The following RPS6KC1 variants were observed in gnomAD, a reference collection of about 807,000 sequenced individuals.
The protein encoded by RPS6KC1 is ribosomal protein S6 kinase C1.
A neutral mutation model predicts 103.8 loss-of-function variants in RPS6KC1; 54 were observed. That is an observed-to-expected ratio of 0.52 (90% CI 0.42 to 0.65). The LOEUF is 0.65. RPS6KC1 is among the 30% of genes least tolerant of loss of function. The pLI is 0.00. For synonymous variants in RPS6KC1, 439 were observed against 438.7 expected (o/e 1.00, Z -0.01); for missense variants, 1,151 against 1,253.8 (o/e 0.92, Z 1.24).
At chr1:213,402,599 T>C in the RPS6KC1 span, among the ~76,000 whole-genome samples, 1 of 152,120 alleles carries the variant, frequency 6.6e-6, no homozygotes, top group Non-Finnish European at 1.5e-5. Flanking sequence ...AAGCTCTAAG[T>C]TCCATGGAGT....
At chr1:213,753,763 T>C in the RPS6KC1 span, among the ~76,000 whole-genome samples, 3 of 152,184 alleles carry the variant, frequency 2.0e-5, no homozygotes, top group Admixed American at 6.5e-5. Context: ...CGACTTCAAC[T>C]CCCATCTTCT....
chr1:213,454,080 T>G, the RPS6KC1 span, among the ~76,000 whole-genome samples: 4 of 152,094 alleles, frequency 2.6e-5, no homozygotes, highest in Non-Finnish European at 5.9e-5. Flanking sequence ...TGGACAACAG[T>G]AGGCTATGAG....
At chr1:213,089,907 C>T (rs2080813058) in intron 3 of RPS6KC1, among the ~76,000 whole-genome samples, 2 of 152,202 alleles carry the variant, frequency 1.3e-5, no homozygotes, top group Admixed American at 1.3e-4. Context: ...AAGACTGAAA[C>T]AGTCTCTGGA....
At chr1:213,574,004 A>C in the RPS6KC1 span, among the ~76,000 whole-genome samples, 1 of 152,184 alleles carries the variant, frequency 6.6e-6, no homozygotes, top group Non-Finnish European at 1.5e-5. Context: ...GCAAGCCCTG[A>C]CCCTGTGGCC....
chr1:213,053,836 AT>A (rs756027243), intron 1 of RPS6KC1, among the ~76,000 whole-genome samples: 4,925 of 143,682 alleles, frequency 0.034, 212 homozygotes, highest in African/African-American at 0.11. Context: ...CAAATTCAGA[AT>A]TTTTTTTTTT....
At chr1:213,709,075 A>G in the RPS6KC1 span, among the ~76,000 whole-genome samples, 43 of 152,296 alleles carry the variant, frequency 2.8e-4, no homozygotes, top group African/African-American at 1.0e-3. Flanking sequence ...AAAATGAGTT[A>G]GGGAAGAGCC....
chr1:213,824,792 A>G, the RPS6KC1 span, among the ~76,000 whole-genome samples: 2 of 152,324 alleles, frequency 1.3e-5, no homozygotes, highest in African/African-American at 2.4e-5. Flanking sequence ...ACGGAACTAC[A>G]AGTCCATTAA....
chr1:213,697,126 CAGTT>C, the RPS6KC1 span, among the ~76,000 whole-genome samples: 1 of 152,196 alleles, frequency 6.6e-6, no homozygotes, highest in Non-Finnish European at 1.5e-5. Flanking sequence ...TGCAGATGAA[CAGTT>C]AGGTGAGAGA....
At chr1:213,634,588 A>C in the RPS6KC1 span, among the ~76,000 whole-genome samples, 1 of 152,246 alleles carries the variant, frequency 6.6e-6, no homozygotes, top group Non-Finnish European at 1.5e-5. Flanking sequence ...CAGTGTGTAG[A>C]GGGAAATTTA....
chr1:213,854,172 A>C, the RPS6KC1 span, among the ~76,000 whole-genome samples: 2 of 152,184 alleles, frequency 1.3e-5, no homozygotes, highest in South Asian at 4.1e-4. Flanking sequence ...CCACAAATAG[A>C]ATATGATAAT....
chr1:213,296,356 G>T, the RPS6KC1 span, among the ~76,000 whole-genome samples: 1 of 152,174 alleles, frequency 6.6e-6, no homozygotes, highest in Non-Finnish European at 1.5e-5. Flanking sequence ...TAATTAAGAG[G>T]AAGAACAAAG....
chr1:213,490,226 C>A, the RPS6KC1 span, among the ~76,000 whole-genome samples: 1 of 152,116 alleles, frequency 6.6e-6, no homozygotes, highest in Non-Finnish European at 1.5e-5. Flanking sequence ...CCATTAATGT[C>A]CTATTGAATG....
intron 7 of RPS6KC1, 137 bp from the exon 8 acceptor site, chr1:213,176,261 CAG>C: frequency 2.1e-6 from 1 of 466,568 alleles, no homozygotes. Flanking sequence ...TACAGACAAA[CAG>C]AAACTTCTTC....
the RPS6KC1 span, among the ~76,000 whole-genome samples, chr1:213,287,232 A>ATGTGTGTGTG: frequency 3.0e-4 from 44 of 146,836 alleles, no homozygotes; most frequent in African/African-American, 1.1e-3. Flanking sequence ...TGCCTATACA[A>ATGTGTGTGTG]TGTGTGTGTG....
chr1:213,448,478 T>C, the RPS6KC1 span, among the ~76,000 whole-genome samples: 1 of 152,094 alleles, frequency 6.6e-6, no homozygotes, highest in African/African-American at 2.4e-5. Flanking sequence ...GACCTCATTT[T>C]ATTTTCCCTC....
chr1:213,182,157 C>T (rs191860243), intron 8 of RPS6KC1, among the ~76,000 whole-genome samples: 2 of 152,182 alleles, frequency 1.3e-5, no homozygotes, highest in African/African-American at 4.8e-5. Context: ...TATAATATAA[C>T]TAGAGCAACC....
chr1:213,782,639 G>C, the RPS6KC1 span, among the ~76,000 whole-genome samples: 1 of 152,096 alleles, frequency 6.6e-6, no homozygotes, highest in South Asian at 2.1e-4. Context: ...TGAGGAAGAG[G>C]AGGAAGAAGA....
chr1:213,568,748 G>T, the RPS6KC1 span, among the ~76,000 whole-genome samples: 2 of 152,210 alleles, frequency 1.3e-5, no homozygotes, highest in African/African-American at 4.8e-5. Flanking sequence ...AATGATGCCT[G>T]CATTCAAACC....
intron 6 of RPS6KC1, among the ~76,000 whole-genome samples, chr1:213,155,865 A>G (rs1402491325): frequency 6.6e-6 from 1 of 152,142 alleles, no homozygotes; most frequent in Non-Finnish European, 1.5e-5. Flanking sequence ...CACTCTCTCA[A>G]ATCGTAAAAG....
Sources: gnomAD v4.1 joint callset for allele counts (sites outside exome capture counted in the v4.1 genomes callset) on GRCh38, gnomAD v4.1.1 for gene constraint, MANE v1.5 for transcripts, NCBI Gene and HGNC (gene_info 2026-07-23, HGNC 2026-07-21) for gene names.